Variants in BMAL1 observed in about 807,000 individuals in gnomAD.
The protein encoded by BMAL1 is basic helix-loop-helix ARNT-like protein 1.
At chr11:13,355,516 G>C in the BMAL1 span, among the ~76,000 whole-genome samples, 54 of 152,194 alleles carry the variant, frequency 3.5e-4, 1 homozygote, top group Admixed American at 3.9e-4. Flanking sequence ...CACCACCCAA[G>C]ATTTCCCTTG....
At chr11:13,325,516 C>T in the BMAL1 span, among the ~76,000 whole-genome samples, 2 of 151,514 alleles carry the variant, frequency 1.3e-5, no homozygotes, top group Non-Finnish European at 2.9e-5. Flanking sequence ...TTACAGATAA[C>T]TGGGGTTCCA....
chr11:13,354,201 C>CCCCCCCCCCCCCAAA, the BMAL1 span: 1 of 616,122 alleles, frequency 1.6e-6, no homozygotes, highest in South Asian at 2.0e-5. Context: ...CCCCCCCCGG[C>CCCCCCCCCCCCCAAA]CCCCCACCAC....
chr11:13,284,251 T>C, the BMAL1 span, among the ~76,000 whole-genome samples: 17 of 29,116 alleles, frequency 5.8e-4, 2 homozygotes, highest in Admixed American at 1.4e-3. Flanking sequence ...TATATATATA[T>C]ATATATATAT....
At chr11:13,354,220 CAAGCACCA>C in the BMAL1 span, 3 of 1,418,734 alleles carry the variant, frequency 2.1e-6, no homozygotes, top group South Asian at 1.3e-5. Context: ...ACCAAACCCC[CAAGCACCA>C]ACCTGGGTTC....
At chr11:13,340,903 C>G in the BMAL1 span, among the ~76,000 whole-genome samples, 2 of 152,194 alleles carry the variant, frequency 1.3e-5, no homozygotes. Context: ...GTCTGCACAA[C>G]AACCCAGTGC....
the BMAL1 span, chr11:13,386,995 CATTA>C: frequency 5.1e-6 from 2 of 388,836 alleles, no homozygotes; most frequent in Non-Finnish European, 9.1e-6. Context: ...GGATAGCTTG[CATTA>C]ATTGTATATT....
the BMAL1 span, among the ~76,000 whole-genome samples, chr11:13,299,750 G>A: frequency 6.6e-6 from 1 of 152,214 alleles, no homozygotes; most frequent in African/African-American, 2.4e-5. Flanking sequence ...AACCAACAGA[G>A]GACAAGGGGC....
At chr11:13,314,514 A>G in the BMAL1 span, among the ~76,000 whole-genome samples, 14 of 152,190 alleles carry the variant, frequency 9.2e-5, no homozygotes, top group Non-Finnish European at 2.9e-5. Context: ...GTCTCCCAGC[A>G]TGCTGAGACC....
the BMAL1 span, among the ~76,000 whole-genome samples, chr11:13,382,836 G>C: frequency 6.6e-6 from 1 of 152,158 alleles, no homozygotes; most frequent in Non-Finnish European, 1.5e-5. Context: ...TGGCCCCCAG[G>C]CTACAATCCT....
At chr11:13,384,053 AT>A in the BMAL1 span, among the ~76,000 whole-genome samples, 7 of 152,052 alleles carry the variant, frequency 4.6e-5, no homozygotes, top group African/African-American at 1.7e-4. Flanking sequence ...ACTAGCTACT[AT>A]TTTCATTGGA....
the BMAL1 span, among the ~76,000 whole-genome samples, chr11:13,326,730 T>C: frequency 6.6e-6 from 1 of 151,228 alleles, no homozygotes; most frequent in Admixed American, 6.6e-5. Flanking sequence ...AGGTATTATA[T>C]ATATATATAT....
the BMAL1 span, among the ~76,000 whole-genome samples, chr11:13,385,347 C>A: frequency 6.6e-6 from 1 of 152,136 alleles, no homozygotes; most frequent in African/African-American, 2.4e-5. Flanking sequence ...ATGTTTTATT[C>A]CCTTATAGGG....
the BMAL1 span, chr11:13,378,318 TCA>T: frequency 2.5e-4 from 393 of 1,586,626 alleles, no homozygotes; most frequent in Non-Finnish European, 3.1e-4. Flanking sequence ...TTTCCTACTC[TCA>T]GATTCCTTTG....
At chr11:13,369,648 C>T in the BMAL1 span, 1 of 1,614,070 alleles carries the variant, frequency 6.2e-7, no homozygotes, top group Non-Finnish European at 8.5e-7. Context: ...GATATAACCC[C>T]TGGGCCATCT....
chr11:13,283,588 A>G, the BMAL1 span, among the ~76,000 whole-genome samples: 26 of 152,210 alleles, frequency 1.7e-4, no homozygotes, highest in East Asian at 4.1e-3. Flanking sequence ...GTAGATTCCT[A>G]CTGGGAGGAA....
the BMAL1 span, among the ~76,000 whole-genome samples, chr11:13,385,046 C>T: frequency 8.1e-4 from 123 of 152,254 alleles, 2 homozygotes; most frequent in South Asian, 3.1e-3. Context: ...AGCTACCAAA[C>T]TGTTTCCTCA....
chr11:13,370,542 C>A, the BMAL1 span, among the ~76,000 whole-genome samples: 3 of 152,206 alleles, frequency 2.0e-5, no homozygotes, highest in African/African-American at 7.2e-5. Flanking sequence ...GGTGCCCTCA[C>A]TTCTGCTTCA....
chr11:13,312,758 T>C, the BMAL1 span, among the ~76,000 whole-genome samples: 1 of 152,220 alleles, frequency 6.6e-6, no homozygotes, highest in Non-Finnish European at 1.5e-5. Flanking sequence ...GAATCTGGCA[T>C]GTAGTATGTT....
At chr11:13,332,103 A>G in the BMAL1 span, among the ~76,000 whole-genome samples, 1 of 152,158 alleles carries the variant, frequency 6.6e-6, no homozygotes, top group Non-Finnish European at 1.5e-5. Context: ...ACATGCTAGG[A>G]TGTGAACCAC....
Sources: gnomAD v4.1 joint callset for allele counts (sites outside exome capture counted in the v4.1 genomes callset) on GRCh38, gnomAD v4.1.1 for gene constraint, MANE v1.5 for transcripts, NCBI Gene and HGNC (gene_info 2026-07-23, HGNC 2026-07-21) for gene names.